MAP6: variants seen among roughly 807,000 people sequenced by gnomAD.
MAP6 encodes the protein microtubule associated protein 6.
A neutral mutation model predicts 42.4 loss-of-function variants in MAP6; 26 were observed. That is an observed-to-expected ratio of 0.61 (90% CI 0.45 to 0.85). The LOEUF (loss-of-function observed/expected upper bound fraction) is 0.85. Ranked by LOEUF, MAP6 falls within the 40% of genes least tolerant of loss-of-function variation. The pLI is 0.00. For missense variants in MAP6, 966 were observed against 1,099.0 expected, an observed-to-expected ratio of 0.88 and a Z score of 1.71; for synonymous variants, 418 against 443.8, an observed-to-expected ratio of 0.94 and a Z score of 0.73.
At chr11:75,591,053 A>G (rs1331884201) in intron 3 of MAP6, among the ~76,000 whole-genome samples, 1 of 152,220 alleles carries the variant, frequency 6.6e-6, no homozygotes, top group African/African-American at 2.4e-5. Flanking sequence ...AATTTAGCGT[A>G]TTAGAATGTC....
intron 3 of MAP6, among the ~76,000 whole-genome samples, chr11:75,599,997 G>T (rs1367357000): frequency 1.3e-5 from 2 of 152,200 alleles, no homozygotes; most frequent in African/African-American, 4.8e-5. Flanking sequence ...TACCATTTAG[G>T]TCTGTGGACT....
chr11:75,635,310 GA>G (rs1335530984), intron 1 of MAP6, among the ~76,000 whole-genome samples: 1 of 152,158 alleles, frequency 6.6e-6, no homozygotes. Context: ...TTATTAAAGT[GA>G]AAAGGGAAAA....
intron 1 of MAP6, among the ~76,000 whole-genome samples, chr11:75,637,003 G>A (rs953621756): frequency 2.0e-5 from 3 of 152,176 alleles, no homozygotes; most frequent in Admixed American, 2.0e-4. Context: ...TTTGAAAATA[G>A]CTTCCCATAC....
chr11:75,629,738 C>T (rs2135630855), intron 1 of MAP6, among the ~76,000 whole-genome samples: 1 of 152,136 alleles, frequency 6.6e-6, no homozygotes, highest in African/African-American at 2.4e-5. Flanking sequence ...AGTTTGTAAA[C>T]AGGGCTATAG....
chr11:75,601,542 C>T (rs772685164), intron 3 of MAP6, among the ~76,000 whole-genome samples: 4 of 152,098 alleles, frequency 2.6e-5, no homozygotes, highest in Non-Finnish European at 4.4e-5. Flanking sequence ...CAAAACTCAG[C>T]AATCAGGTCC....
Position 75,667,089 on chromosome 11 carries a change from C to A in MAP6, c.905+376G>T, listed in dbSNP as rs1943960264. Reference sequence around the variant, plus strand: ...TTCTTCTGGAAGAATGGGGACCCTGCAAAGGGCAACATCCAGGCTAACGCA... The same window carrying A: ...TTCTTCTGGAAGAATGGGGACCCTGAAAAGGGCAACATCCAGGCTAACGCA... On this transcript the variant is annotated intron_variant, in intron 1 of 3. Transcript: ENST00000304771. This position sits in a 1 kb window ranked among gnomAD's most constrained non-coding sequence, Gnocchi z 5.6. 6.6e-6 allele frequency among the ~76,000 whole-genome samples: 1 copy of A among 152,192 alleles called. No homozygotes were observed. The highest frequency in any genetic ancestry group is 2.1e-4 in the South Asian group (1 of 4,810).
rs778908031 is a variant in MAP6 at position 75,606,012 on chromosome 11, G to A, written c.1120-8C>T. 1 of 1,612,588 alleles carries A rather than the reference G, an allele frequency of 6.2e-7. No homozygotes were observed. The highest frequency in any genetic ancestry group is 1.1e-5 in the South Asian group (1 of 90,972). On this transcript the variant is annotated splice_polypyrimidine_tract_variant and splice_region_variant and intron_variant, in intron 2 of 3. Coordinates refer to ENST00000304771, the MANE Select transcript of MAP6 (RefSeq NM_033063.2). Reference sequence around the variant, plus strand: ...AACACTAGGTTTTTCCACCTGTACGGAGAGACAGACCGCAAATACAGAAAC... The same window carrying A: ...AACACTAGGTTTTTCCACCTGTACGAAGAGACAGACCGCAAATACAGAAAC...
chr11:75,614,315 A>G (rs769774584), intron 1 of MAP6, among the ~76,000 whole-genome samples: 45 of 152,178 alleles, frequency 3.0e-4, no homozygotes, highest in Non-Finnish European at 5.0e-4. Flanking sequence ...TTCCTACAAT[A>G]TGCCCACAAG....
At chr11:75,629,212 G>A (rs767966414) in intron 1 of MAP6, among the ~76,000 whole-genome samples, 9 of 152,096 alleles carry the variant, frequency 5.9e-5, no homozygotes, top group Non-Finnish European at 1.2e-4. Context: ...CTTAGCCTCC[G>A]AAGTAGCTGG....
chr11:75,663,149 A>G (rs1943885689), intron 1 of MAP6, among the ~76,000 whole-genome samples: 1 of 151,190 alleles, frequency 6.6e-6, no homozygotes, highest in Non-Finnish European at 1.5e-5. Context: ...TTTTAGTACA[A>G]TTTTTTGTAT....
chr11:75,608,009 G>A (rs1224554392), intron 2 of MAP6, 100 bp downstream of exon 2: 5 of 1,138,290 alleles, frequency 4.4e-6, no homozygotes, highest in Admixed American at 2.0e-5. Flanking sequence ...GGTGCCCGTG[G>A]AGGCTGGGCC....
intron 3 of MAP6, among the ~76,000 whole-genome samples, chr11:75,598,266 T>A (rs1239584772): frequency 6.6e-6 from 1 of 152,186 alleles, no homozygotes; most frequent in Admixed American, 6.5e-5. Flanking sequence ...AGCTAGTAAA[T>A]AGTAGAGCTT....
chr11:75,642,957 T>C, intron 1 of MAP6: 2 of 433,852 alleles, frequency 4.6e-6, no homozygotes, highest in Non-Finnish European at 9.7e-6. Context: ...CATGTCAGAA[T>C]ACACTTGTTT....
intron 1 of MAP6, among the ~76,000 whole-genome samples, chr11:75,609,114 C>A (rs1035330224): frequency 2.6e-5 from 4 of 152,134 alleles, no homozygotes; most frequent in African/African-American, 9.7e-5. Context: ...TGTCAGTTTT[C>A]TTGTTCTCTG....
intron 3 of MAP6, among the ~76,000 whole-genome samples, chr11:75,601,708 G>A (rs1942665644): frequency 6.6e-6 from 1 of 151,840 alleles, no homozygotes; most frequent in South Asian, 2.1e-4. Flanking sequence ...GTTAGCAACC[G>A]CCCACTCACG....
At chr11:75,615,217 G>A (rs1022879270) in intron 1 of MAP6, among the ~76,000 whole-genome samples, 7 of 152,212 alleles carry the variant, frequency 4.6e-5, no homozygotes, top group African/African-American at 1.4e-4. Context: ...TCTGGAGTGA[G>A]ATACATCCAT....
chr11:75,604,119 A>G, intron 3 of MAP6: 1 of 985,740 alleles, frequency 1.0e-6, no homozygotes, highest in Non-Finnish European at 1.2e-6. Flanking sequence ...CTCCTTCCTC[A>G]CAGTTTTAAA....
At chr11:75,592,175 C>T (rs1052276516) in intron 3 of MAP6, among the ~76,000 whole-genome samples, 1 of 152,224 alleles carries the variant, frequency 6.6e-6, no homozygotes, top group Non-Finnish European at 1.5e-5. Flanking sequence ...CTCCCACCTC[C>T]TCCCTGGTCT....
chr11:75,624,679 G>A (rs1405383889), intron 1 of MAP6, among the ~76,000 whole-genome samples: 1 of 152,148 alleles, frequency 6.6e-6, no homozygotes, highest in East Asian at 1.9e-4. Flanking sequence ...GCCAAAAAAG[G>A]GAGTAGATAG....
Sources: allele counts gnomAD v4.1 joint callset (sites outside exome capture counted in the v4.1 genomes callset), GRCh38; gene constraint gnomAD v4.1.1; non-coding constraint Gnocchi (gnomAD v3.1); transcripts MANE v1.5; gene names NCBI Gene and HGNC (gene_info 2026-07-23, HGNC 2026-07-21).